MAPRE2: variants seen among roughly 807,000 people sequenced by gnomAD.
The protein encoded by MAPRE2 is microtubule associated protein RP/EB family member 2, also known as microtubule-associated protein RP/EB family member 2.
MAPRE2 carries 13 observed loss-of-function variants against 43.2 expected under a neutral mutation model. That is an observed-to-expected ratio of 0.30 (90% CI 0.20 to 0.48). MAPRE2 has a LOEUF of 0.48. Ranked by LOEUF, MAPRE2 falls within the 20% of genes least tolerant of loss-of-function variation. The probability of loss-of-function intolerance (pLI) is 0.99; values close to 1 mark genes in which losing one functional copy is unlikely to be tolerated. For missense variants in MAPRE2, 161 were observed against 400.2 expected (o/e 0.40, Z 5.10); for synonymous variants, 135 against 148.8 (o/e 0.91, Z 0.68).
At chr18:35,086,116 T>C (rs556152644) in intron 2 of MAPRE2, among the ~76,000 whole-genome samples, 1 of 152,274 alleles carries the variant, frequency 6.6e-6, no homozygotes, top group South Asian at 2.1e-4. Context: ...CTCTGTATAA[T>C]AGTTCCTTGG....
intron 5 of MAPRE2, 95 bp from the exon 6 acceptor site, chr18:35,131,937 C>G: frequency 8.2e-7 from 1 of 1,216,046 alleles, no homozygotes; most frequent in South Asian, 1.4e-5. Flanking sequence ...GCTTCTCTCT[C>G]TCTCTCTCTT....
At chr18:34,985,630 T>C (rs1301427443) in intron 1 of MAPRE2, among the ~76,000 whole-genome samples, 2 of 100,370 alleles carry the variant, frequency 2.0e-5, no homozygotes, top group East Asian at 5.2e-4. Context: ...ATATAACATA[T>C]ATATTATAAT....
chr18:35,031,791 A>G (rs776363744), intron 2 of MAPRE2, among the ~76,000 whole-genome samples: 16 of 152,230 alleles, frequency 1.1e-4, no homozygotes, highest in Non-Finnish European at 1.8e-4. Context: ...AAGTAATCTC[A>G]AAAGTCAATT....
chr18:35,007,218 T>C (rs2097032270), intron 2 of MAPRE2, among the ~76,000 whole-genome samples: 1 of 152,208 alleles, frequency 6.6e-6, no homozygotes, highest in Non-Finnish European at 1.5e-5. Context: ...ATGTCGGGTC[T>C]GTATGAGGCA....
At chr18:35,002,844 A>G (rs1220781494) in intron 1 of MAPRE2, among the ~76,000 whole-genome samples, 1 of 152,006 alleles carries the variant, frequency 6.6e-6, no homozygotes, top group African/African-American at 2.4e-5. Context: ...ACTTTCTTCT[A>G]GTTTATATCT....
intron 2 of MAPRE2, among the ~76,000 whole-genome samples, chr18:35,094,094 AAAAT>A (rs747951899): frequency 8.5e-5 from 13 of 152,208 alleles, no homozygotes; most frequent in Non-Finnish European, 1.5e-4. Flanking sequence ...ACTTGGGAAA[AAAAT>A]AGCGACTTTG....
At chr18:35,077,238 C>T (rs575441421) in intron 2 of MAPRE2, among the ~76,000 whole-genome samples, 6 of 123,848 alleles carry the variant, frequency 4.8e-5, no homozygotes, top group South Asian at 2.6e-4. Flanking sequence ...GATACGCGCG[C>T]GTGCGCGCGC....
In MAPRE2 at chr18:34,978,667, C is replaced by A; in HGVS notation, c.-70+1588C>A. On this transcript the variant is annotated intron_variant, in intron 1 of 7. Transcript: ENST00000413393. ...GTCCCCTCTGGAAATGAAATGCTTC[C>A]TTACTTTGCTTTCGTTCTTTTCTGC... is the stretch of plus-strand genomic sequence containing the variant. 3.6e-6 allele frequency: 3 copies of A among 831,834 alleles called. No homozygotes were observed. In the Admixed American group the frequency reaches 6.4e-5, roughly 18 times the overall value. 51.5% of individuals were successfully genotyped at this position (831,834 alleles called of 1,614,324 possible).
chr18:35,063,343 G>C (rs149263610), intron 1 of MAPRE2, among the ~76,000 whole-genome samples: 151 of 152,048 alleles, frequency 9.9e-4, no homozygotes, highest in African/African-American at 3.3e-3. Context: ...TCCTGACCTC[G>C]TGATCCGCCC....
chr18:34,996,125 A>G (rs1424454), intron 1 of MAPRE2, among the ~76,000 whole-genome samples: 86,065 of 151,942 alleles, frequency 0.57, 25,166 homozygotes, highest in Non-Finnish European at 0.63. Context: ...AGAAAACAGC[A>G]GTCAGGAATT....
At chr18:34,986,722 C>A (rs948936532) in intron 1 of MAPRE2, among the ~76,000 whole-genome samples, 7 of 152,196 alleles carry the variant, frequency 4.6e-5, no homozygotes, top group African/African-American at 1.7e-4. Context: ...TCCATCCCAG[C>A]ACCTGACCTT....
chr18:35,084,603 T>C (rs1907785790), intron 2 of MAPRE2, among the ~76,000 whole-genome samples: 1 of 152,266 alleles, frequency 6.6e-6, no homozygotes, highest in African/African-American at 2.4e-5. Flanking sequence ...CAGTTTATTC[T>C]GTGTGTTCAA....
At chr18:35,062,453 G>A (rs924013654) in intron 1 of MAPRE2, among the ~76,000 whole-genome samples, 7 of 152,206 alleles carry the variant, frequency 4.6e-5, no homozygotes, top group African/African-American at 1.7e-4. Context: ...ATTCTTCTAA[G>A]TAAAAAGCCT....
intron 2 of MAPRE2, chr18:35,082,289 C>CAAAAAA (rs777649319): frequency 6.9e-5 from 2 of 28,812 alleles, no homozygotes; most frequent in Non-Finnish European, 1.0e-4. Context: ...GACTCCGTCT[C>CAAAAAA]AAAAAAAAAA....
chr18:35,117,087 T>G (rs1909445414), intron 4 of MAPRE2, among the ~76,000 whole-genome samples: 1 of 152,028 alleles, frequency 6.6e-6, no homozygotes, highest in Non-Finnish European at 1.5e-5. Context: ...GCCATGCGGG[T>G]GATGGAGACC....
intron 2 of MAPRE2, chr18:35,005,627 T>C: frequency 2.3e-6 from 2 of 871,180 alleles, no homozygotes; most frequent in Middle Eastern, 4.5e-4. Flanking sequence ...AATATTGTCA[T>C]TGTAACAAAT....
intron 1 of MAPRE2, among the ~76,000 whole-genome samples, chr18:34,985,790 T>TA: frequency 7.0e-6 from 1 of 143,174 alleles, no homozygotes; most frequent in Non-Finnish European, 1.5e-5. Flanking sequence ...TAATACCTTG[T>TA]TGAAATAATC....
intron 2 of MAPRE2, among the ~76,000 whole-genome samples, chr18:35,010,222 C>G (rs1178029009): frequency 1.3e-5 from 2 of 151,920 alleles, no homozygotes; most frequent in African/African-American, 4.8e-5. Flanking sequence ...CCTCATCTCT[C>G]TACAAAAAAA....
intron 2 of MAPRE2, among the ~76,000 whole-genome samples, chr18:35,023,016 G>A (rs567308063): frequency 5.9e-5 from 9 of 152,204 alleles, no homozygotes; most frequent in African/African-American, 2.2e-4. Context: ...AATAGATACT[G>A]TGTTGATAAG....
Sources: allele counts gnomAD v4.1 joint callset (sites outside exome capture counted in the v4.1 genomes callset), GRCh38; gene constraint gnomAD v4.1.1; transcripts MANE v1.5; gene names NCBI Gene and HGNC (gene_info 2026-07-23, HGNC 2026-07-21).